AQP1: variants seen among roughly 807,000 people sequenced by gnomAD.
The protein encoded by AQP1 is aquaporin-1.
A neutral mutation model predicts 19.7 loss-of-function variants in AQP1; 11 were observed. The observed-to-expected ratio is 0.56, with a 90% CI of 0.35 to 0.92. The LOEUF (loss-of-function observed/expected upper bound fraction) is 0.92, where lower values mean the gene tolerates loss of function less well. AQP1 is among the 40% of genes least tolerant of loss of function. The pLI, the probability that AQP1 is intolerant of heterozygous loss-of-function variation, is 0.01. For missense variants in AQP1, 320 were observed against 369.7 expected (o/e 0.87, Z 1.10); for synonymous variants, 159 against 166.7 (o/e 0.95, Z 0.36).
rs1791617724 is a variant in AQP1 at position 30,924,164 on chromosome 7, G to A, written c.*535G>A. Reference sequence around the variant, plus strand: ...TTGCTCCCAAGCCCCTGACCCGCTCGGACTTACTGCCTGACCTTGGAATCG... The same window carrying A: ...TTGCTCCCAAGCCCCTGACCCGCTCAGACTTACTGCCTGACCTTGGAATCG... On this transcript the variant is annotated 3_prime_UTR_variant, in exon 4 of 4. Coordinates refer to ENST00000311813, the MANE Select transcript of AQP1 (RefSeq NM_198098.4). 13 of 1,157,872 alleles carry A rather than the reference G, an allele frequency of 1.1e-5. No homozygotes were observed. In the South Asian group the frequency reaches 1.9e-4, roughly 17 times the overall value. The allele number at this position is 1,157,872 out of a possible 1,614,324, so 71.7% of individuals were successfully genotyped here.
rs1791190273 is a variant in AQP1, at chr7:30,912,380, G to A, written c.384+87G>A. 1 of 1,541,650 alleles carries A rather than the reference G, an allele frequency of 6.5e-7. No individual in the cohort carries two copies. Among genetic ancestry groups the A allele is most frequent in the African/African-American group, 1.4e-5 (1 of 73,928 alleles). ...ATCCTCTGCCCATTGTGCAGATGGG[G>A]ACACTGAGGAACGGAGAGGACAAGA... On this transcript the variant is annotated intron_variant, in intron 1 of 3. Transcript: ENST00000311813. The surrounding 1 kb of genome is among the most constrained non-coding windows in gnomAD (Gnocchi z 4.3).
rs12112692 is a variant in AQP1, at chr7:30,912,728, G to T, written c.384+435G>T. Among the ~76,000 whole-genome samples, 1 of 152,282 alleles carries T rather than the reference G, an allele frequency of 6.6e-6. No homozygotes were observed. The highest frequency in any genetic ancestry group is 1.9e-4 in the East Asian group (1 of 5,170). ...CCAAATGCCCAGCCTGTCTGCAGCT[G>T]GCTCTGCAAGTGTGTGAGCAGGACT... On this transcript the variant is annotated intron_variant, in intron 1 of 3. Transcript: ENST00000311813. The surrounding 1 kb of genome is among the most constrained non-coding windows in gnomAD (Gnocchi z 4.3).
chr7:30,920,254 C>T (rs976221068), intron 1 of AQP1, among the ~76,000 whole-genome samples: 14 of 152,112 alleles, frequency 9.2e-5, no homozygotes, highest in Non-Finnish European at 1.6e-4. Context: ...GCAATTAGGC[C>T]AACCCTGGAG....
At chr7:30,916,551 C>T (rs546898386) in intron 1 of AQP1, among the ~76,000 whole-genome samples, 14 of 152,364 alleles carry the variant, frequency 9.2e-5, no homozygotes, top group African/African-American at 3.1e-4. Flanking sequence ...GAGAGGGGCT[C>T]CTTGCCCACA....
intron 1 of AQP1, among the ~76,000 whole-genome samples, chr7:30,919,238 C>G (rs920645822): frequency 4.4e-4 from 67 of 152,332 alleles, no homozygotes; most frequent in African/African-American, 1.6e-3. Flanking sequence ...GGAGGAGATG[C>G]ACCCACATAG....
In AQP1 at chr7:30,923,461, G is replaced by A. The variant is rs760178951; in HGVS notation, c.642G>A (p.Val214=). The change falls in exon 4 of 4, where the codon GTG becomes GTA. Residue 214 remains valine (V), a synonymous_variant. Coordinates refer to ENST00000311813, the MANE Select transcript of AQP1 (RefSeq NM_198098.4). This position sits in a 1 kb window ranked among gnomAD's most constrained non-coding sequence, Gnocchi z 4.8. ...HNFSNHWIFW[V]GPFIGGALAV... ...TGCTCTGTTCCTAGATTTTCTGGGT[G>A]GGGCCATTCATCGGGGGAGCCCTGG... 3.7e-6 allele frequency: 6 copies of A among 1,613,872 alleles called. No homozygotes were observed. Among genetic ancestry groups the A allele is most frequent in the Non-Finnish European group, 3.4e-6 (4 of 1,179,984 alleles).
chr7:30,920,463 GT>G (rs1227040886), intron 1 of AQP1, among the ~76,000 whole-genome samples: 1 of 152,152 alleles, frequency 6.6e-6, no homozygotes, highest in Admixed American at 6.5e-5. Context: ...CCTTCTGCCT[GT>G]CCCCAGATCC....
chr7:30,921,534 G>T (rs1791499448), intron 1 of AQP1: 12 of 1,526,408 alleles, frequency 7.9e-6, no homozygotes, highest in African/African-American at 1.4e-5. Flanking sequence ...GGAGAAAGAG[G>T]GGTGGAGGGA....
Position 30,923,837 on chromosome 7 carries a change from G to A in AQP1, c.*208G>A. 1.3e-6 allele frequency: 2 copies of A among 1,528,264 alleles called. No individual in the cohort carries two copies. The highest frequency in any genetic ancestry group is 1.8e-6 in the Non-Finnish European group (2 of 1,138,144). 94.7% of individuals were successfully genotyped at this position (1,528,264 alleles called of 1,614,324 possible). On this transcript the variant is annotated 3_prime_UTR_variant, in exon 4 of 4. Transcript: ENST00000311813. This position sits in a 1 kb window ranked among gnomAD's most constrained non-coding sequence, Gnocchi z 4.8. Reference sequence around the variant, plus strand: ...GTTTCCTGGCCTCAGAGCTTCCTGGGGACCAAGATTTACCAATTCACCCAC... The same window carrying A: ...GTTTCCTGGCCTCAGAGCTTCCTGGAGACCAAGATTTACCAATTCACCCAC...
At chr7:30,915,513 A>G (rs1859840) in intron 1 of AQP1, among the ~76,000 whole-genome samples, 80,083 of 151,784 alleles carry the variant, frequency 0.53, 24,685 homozygotes, top group African/African-American at 0.87. Context: ...GGGCCGTGGT[A>G]CGGGAGTTGT....
At chr7:30,916,821 TAA>T (rs1309485091) in intron 1 of AQP1, among the ~76,000 whole-genome samples, 1 of 152,146 alleles carries the variant, frequency 6.6e-6, no homozygotes, top group Non-Finnish European at 1.5e-5. Flanking sequence ...GGGCTGTCTC[TAA>T]GTCAATAAGC....
chr7:30,916,241 T>C (rs560921503), intron 1 of AQP1, among the ~76,000 whole-genome samples: 1 of 152,264 alleles, frequency 6.6e-6, no homozygotes, highest in South Asian at 2.1e-4. Context: ...TGCTCACCAC[T>C]CCCAGGCCAC....
intron 1 of AQP1, chr7:30,921,773 G>A (rs1791506694): frequency 3.2e-6 from 5 of 1,550,582 alleles, no homozygotes; most frequent in Admixed American, 2.0e-5. Context: ...GCAGCTGGAT[G>A]CAAAGGCCCC....
chr7:30,921,778 G>A, intron 1 of AQP1: 1 of 1,550,668 alleles, frequency 6.4e-7, no homozygotes, highest in Non-Finnish European at 8.7e-7. Flanking sequence ...TGGATGCAAA[G>A]GCCCCAGCTC....
Position 30,923,360 on chromosome 7 carries a change from C to A in AQP1, c.631-90C>A. On this transcript the variant is annotated intron_variant, in intron 3 of 3. Coordinates refer to ENST00000311813, the MANE Select transcript of AQP1 (RefSeq NM_198098.4). This position sits in a 1 kb window ranked among gnomAD's most constrained non-coding sequence, Gnocchi z 4.8. ...CCATCCCAGGTGGGAAAAACCTGTC[C>A]AACGGGGTGGTGGGCTGTGGGGTAA... 1 of 1,596,490 alleles carries A rather than the reference C, an allele frequency of 6.3e-7. No homozygotes were observed. Among genetic ancestry groups the A allele is most frequent in the South Asian group, 1.1e-5 (1 of 88,628 alleles).
intron 1 of AQP1, among the ~76,000 whole-genome samples, chr7:30,914,952 A>C (rs1232705540): frequency 6.6e-6 from 1 of 152,112 alleles, no homozygotes; most frequent in East Asian, 1.9e-4. Flanking sequence ...CCAAATACCA[A>C]TTTTGGCTAA....
chr7:30,921,719 C>T (rs1200444151), intron 1 of AQP1: 3 of 1,550,758 alleles, frequency 1.9e-6, no homozygotes, highest in Admixed American at 3.9e-5. Flanking sequence ...TGGGGCTCGC[C>T]CCTTGCCTCT....
chr7:30,912,234 A>G lies in AQP1; in HGVS notation c.325A>G (p.Thr109Ala). 3 of 1,608,766 alleles carry G rather than the reference A, an allele frequency of 1.9e-6. No homozygotes were observed. Among genetic ancestry groups the G allele is most frequent in the Non-Finnish European group, 2.5e-6 (3 of 1,179,962 alleles). The change falls in exon 1 of 4, where the codon ACC (threonine) becomes GCC (alanine). Residue 109 changes from threonine to alanine, a missense_variant. Coordinates refer to ENST00000311813, the MANE Select transcript of AQP1 (RefSeq NM_198098.4). This position sits in a 1 kb window ranked among gnomAD's most constrained non-coding sequence, Gnocchi z 4.3. The stretch of plus-strand genomic sequence containing the variant: ...CCAGTGCGTGGGGGCCATCGTCGCC[A>G]CCGCCATCCTCTCAGGCATCACCTC... ...IAQCVGAIVA[T>A]AILSGITSSL... is the part of the protein sequence containing the mutation.
intron 1 of AQP1, among the ~76,000 whole-genome samples, chr7:30,918,679 C>T (rs1334279936): frequency 6.6e-6 from 1 of 152,204 alleles, no homozygotes; most frequent in East Asian, 1.9e-4. Context: ...GTCAGGGGCC[C>T]CATGCCTTGG....
Sources: gnomAD v4.1 joint callset for allele counts (sites outside exome capture counted in the v4.1 genomes callset) on GRCh38, gnomAD v4.1.1 for gene constraint, Gnocchi (gnomAD v3.1) non-coding constraint, MANE v1.5 for transcripts, NCBI Gene and HGNC (gene_info 2026-07-23, HGNC 2026-07-21) for gene names.